ZRANB1: variants seen among roughly 807,000 people sequenced by gnomAD.
The protein encoded by ZRANB1 is ubiquitin thioesterase ZRANB1.
In ZRANB1, 16 loss-of-function variants were observed where a neutral mutation model predicts 80.5. The observed-to-expected ratio is 0.20, with a 90% CI of 0.13 to 0.30. ZRANB1 has a LOEUF of 0.30. ZRANB1 is among the 10% of genes least tolerant of loss of function. The pLI is 1.00. For missense variants in ZRANB1, 576 were observed against 862.6 expected, an observed-to-expected ratio of 0.67 and a Z score of 4.16; for synonymous variants, 291 against 293.1, an observed-to-expected ratio of 0.99 and a Z score of 0.07.
intron 1 of ZRANB1, among the ~76,000 whole-genome samples, chr10:124,952,285 G>A (rs147257152): frequency 2.0e-5 from 3 of 152,296 alleles, no homozygotes; most frequent in East Asian, 1.9e-4. Context: ...AATCACAAGC[G>A]TCCTTGTAAA....
chr10:124,917,980 C>T, the ZRANB1 span, among the ~76,000 whole-genome samples: 2 of 152,132 alleles, frequency 1.3e-5, no homozygotes, highest in Non-Finnish European at 2.9e-5. Context: ...GAAGTTTGAA[C>T]CGGCCCATTA....
At position 124,987,921 on chromosome 10, in the gene ZRANB1, A is replaced by G. The variant is rs555622700; in HGVS notation, c.*2929A>G. On this transcript the variant is annotated 3_prime_UTR_variant, in exon 9 of 9. Transcript: ENST00000359653. ...AATCAAGCTCTTAACTCATGGGACT[A>G]TTTGCAACACTTCTTTGTAAATATC... 31 of 152,536 alleles carry G rather than the reference A, an allele frequency of 2.0e-4. No homozygotes were observed. Among genetic ancestry groups the G allele is most frequent in the African/African-American group, 7.5e-4 (31 of 41,582 alleles). 9.4% of individuals were successfully genotyped at this position (152,536 alleles called of 1,614,324 possible).
In ZRANB1 at chr10:124,983,369, G is replaced by T; in HGVS notation, c.1678+65G>T. 6.2e-7 allele frequency: 1 copy of T among 1,600,828 alleles called. No homozygotes were observed. On this transcript the variant is annotated intron_variant, in intron 7 of 8. Transcript: ENST00000359653. This position sits in a 1 kb window ranked among gnomAD's most constrained non-coding sequence, Gnocchi z 6.2. ...ACGGAATGGCTCAGATGTCAGGAAGGAGCAGTGGACAGGGGAATGTGAACA... is the reference window on the plus strand; with the variant it reads ...ACGGAATGGCTCAGATGTCAGGAAGTAGCAGTGGACAGGGGAATGTGAACA...
upstream of ZRANB1, among the ~76,000 whole-genome samples, chr10:124,937,405 T>C (rs1235089850): frequency 6.6e-6 from 1 of 151,784 alleles, no homozygotes; most frequent in Admixed American, 6.6e-5. Flanking sequence ...AGGCTGGTCT[T>C]GAACTCCTGA....
In ZRANB1 at chr10:124,946,886, C is replaced by G. The variant is rs371338499; in HGVS notation, c.814+3579C>G. On this transcript the variant is annotated intron_variant, in intron 1 of 8. Transcript: ENST00000359653. ...TATGTTCCCCAGATTTCATTAGATA[C>G]AGTGTATTTTGGGTTATTGATGTTA... Among the ~76,000 whole-genome samples the G allele has an allele frequency of 3.3e-5, 5 of 152,238 alleles. No individual in the cohort carries two copies. In the South Asian group the frequency reaches 1.0e-3, roughly 32 times the overall value.
At chr10:124,926,162 C>G in the ZRANB1 span, among the ~76,000 whole-genome samples, 1 of 152,088 alleles carries the variant, frequency 6.6e-6, no homozygotes, top group Non-Finnish European at 1.5e-5. Context: ...CTGGGTAAGT[C>G]AGTGAGTGAG....
intron 1 of ZRANB1, among the ~76,000 whole-genome samples, chr10:124,948,114 T>C (rs7076777): frequency 0.96 from 146,725 of 152,168 alleles, 70,841 homozygotes; most frequent in Non-Finnish European, 0.99. Context: ...ACAGCAAGAA[T>C]AATGCCTCTT....
the ZRANB1 span, among the ~76,000 whole-genome samples, chr10:124,927,227 T>G: frequency 6.6e-6 from 1 of 152,236 alleles, no homozygotes; most frequent in African/African-American, 2.4e-5. Flanking sequence ...AGTGCTGGGA[T>G]TACAGGCGTG....
At chr10:124,964,429 G>A (rs375862334) in intron 1 of ZRANB1, among the ~76,000 whole-genome samples, 4 of 152,146 alleles carry the variant, frequency 2.6e-5, no homozygotes, top group African/African-American at 9.7e-5. Context: ...CAGCTATATG[G>A]TGAGTTAGCT....
chr10:124,957,758 G>A (rs947130955), intron 1 of ZRANB1, among the ~76,000 whole-genome samples: 9 of 150,740 alleles, frequency 6.0e-5, no homozygotes, highest in South Asian at 2.1e-4. Flanking sequence ...AGGAAGTTTC[G>A]CTCTGTTGCC....
chr10:124,949,519 ACAC>A (rs1258328484), intron 1 of ZRANB1, among the ~76,000 whole-genome samples: 107 of 99,338 alleles, frequency 1.1e-3, no homozygotes, highest in South Asian at 5.9e-3. Flanking sequence ...ACACACACAC[ACAC>A]ATTTTTTTTT....
intron 1 of ZRANB1, among the ~76,000 whole-genome samples, chr10:124,954,089 T>C (rs1416823593): frequency 6.7e-6 from 1 of 149,800 alleles, no homozygotes; most frequent in South Asian, 2.1e-4. Context: ...ACTTTCAGCC[T>C]CCTGAGTAGC....
chr10:124,973,615 A>G, intron 3 of ZRANB1, 30 bp from the exon 4 acceptor site: 1 of 1,584,298 alleles, frequency 6.3e-7, no homozygotes, highest in Non-Finnish European at 8.6e-7. Flanking sequence ...ATGAAACAAA[A>G]GATCTTTTAA....
At chr10:124,977,572 G>A (rs1183848736) in intron 5 of ZRANB1, among the ~76,000 whole-genome samples, 1 of 151,844 alleles carries the variant, frequency 6.6e-6, no homozygotes, top group Non-Finnish European at 1.5e-5. Context: ...TTAGCCAGGC[G>A]TGGTAGTGTG....
chr10:124,937,412 C>G (rs1951497532), upstream of ZRANB1, among the ~76,000 whole-genome samples: 2 of 151,744 alleles, frequency 1.3e-5, no homozygotes, highest in Admixed American at 1.3e-4. Context: ...TCTTGAACTC[C>G]TGACCTCAAG....
chr10:124,919,210 A>G, the ZRANB1 span, among the ~76,000 whole-genome samples: 2 of 152,226 alleles, frequency 1.3e-5, no homozygotes, highest in Non-Finnish European at 2.9e-5. Context: ...GAGCTTGTCC[A>G]TGTGCTTTAT....
rs1323931222 is a variant in ZRANB1 at position 124,944,051 on chromosome 10, A to G, written c.814+744A>G. Among the ~76,000 whole-genome samples, 5 of 152,214 alleles carry G rather than the reference A, an allele frequency of 3.3e-5. No individual in the cohort carries two copies. In the South Asian group the frequency reaches 1.0e-3, roughly 32 times the overall value. On this transcript the variant is annotated intron_variant, in intron 1 of 8. Transcript: ENST00000359653. The stretch of plus-strand genomic sequence containing the variant: ...TTCCATACTTCAAGTTATGGTTCAT[A>G]TGTATTGTGACATTTTCCTCAGGAA...
In ZRANB1 at chr10:124,983,813, C is replaced by A; in HGVS notation, c.1908+125C>A. On this transcript the variant is annotated intron_variant, in intron 8 of 8. Transcript: ENST00000359653. The surrounding 1 kb of genome is among the most constrained non-coding windows in gnomAD (Gnocchi z 6.2). ...TTTCTGAATGTGATGGTAGTAATTG[C>A]TGAAGGTACTAGCTATACTTTGAAA... is the stretch of plus-strand genomic sequence containing the variant. The A allele has an allele frequency of 1.4e-6, 1 of 702,238 alleles. No homozygotes were observed. Among genetic ancestry groups the A allele is most frequent in the Non-Finnish European group, 2.4e-6 (1 of 424,894 alleles). 43.5% of individuals were successfully genotyped at this position (702,238 alleles called of 1,614,324 possible).
chr10:124,983,507 C>T lies in ZRANB1; in HGVS notation c.1727C>T (p.Pro576Leu). The change falls in exon 8 of 9, where the codon CCG becomes CTG. Residue 576 changes from proline to leucine, a missense_variant. Coordinates refer to ENST00000359653, the MANE Select transcript of ZRANB1 (RefSeq NM_017580.3). The surrounding 1 kb of genome is among the most constrained non-coding windows in gnomAD (Gnocchi z 6.2). ...GAACAGAGTTTTTGTTGGAAAAGTCCGATTGCTCTGGGTTATACGAGGGGC... is the reference window on the plus strand; with the variant it reads ...GAACAGAGTTTTTGTTGGAAAAGTCTGATTGCTCTGGGTTATACGAGGGGC... ...LWEQSFCWKS[P>L]IALGYTRGHF... is the part of the protein sequence containing the mutation. 3 of 1,613,532 alleles carry T rather than the reference C, an allele frequency of 1.9e-6. No homozygotes were observed. Among genetic ancestry groups the T allele is most frequent in the Non-Finnish European group, 2.5e-6 (3 of 1,179,612 alleles).
Sources: allele counts gnomAD v4.1 joint callset (sites outside exome capture counted in the v4.1 genomes callset), GRCh38; gene constraint gnomAD v4.1.1; non-coding constraint Gnocchi (gnomAD v3.1); transcripts MANE v1.5; gene names NCBI Gene and HGNC (gene_info 2026-07-23, HGNC 2026-07-21).